Variants in ZNF804B observed in about 807,000 individuals in gnomAD.
The protein encoded by ZNF804B is zinc finger 804B.
Under a neutral mutation model 101.4 loss-of-function variants are expected in ZNF804B, and 80 were observed. That is an observed-to-expected ratio of 0.79 (90% CI 0.66 to 0.95). The LOEUF (loss-of-function observed/expected upper bound fraction) is 0.95, where lower values mean the gene tolerates loss of function less well. Ranked by LOEUF, ZNF804B falls within the 40% of genes least tolerant of loss-of-function variation. The pLI, the probability that ZNF804B is intolerant of heterozygous loss-of-function variation, is 0.00. For synonymous variants in ZNF804B, 622 were observed against 558.8 expected (o/e 1.11, Z -1.59); for missense variants, 1,673 against 1,561.9 (o/e 1.07, Z -1.20).
At chr7:88,889,154 G>A (rs947305464) in intron 1 of ZNF804B, among the ~76,000 whole-genome samples, 1 of 152,036 alleles carries the variant, frequency 6.6e-6, no homozygotes, top group Non-Finnish European at 1.5e-5. Flanking sequence ...ATTCTTCCAT[G>A]GTGTATATAT....
chr7:89,173,756 C>A (rs146157079), intron 1 of ZNF804B, among the ~76,000 whole-genome samples: 1 of 96,232 alleles, frequency 1.0e-5, no homozygotes, highest in African/African-American at 3.3e-5. Context: ...ATCCATCCAT[C>A]CATCCATCCA....
At chr7:89,237,869 T>C (rs572638426) in intron 2 of ZNF804B, among the ~76,000 whole-genome samples, 1 of 152,286 alleles carries the variant, frequency 6.6e-6, no homozygotes, top group South Asian at 2.1e-4. Context: ...GACAGAGAGA[T>C]AATAAACACA....
intron 1 of ZNF804B, among the ~76,000 whole-genome samples, chr7:88,999,611 A>T (rs1788255076): frequency 1.3e-5 from 2 of 152,110 alleles, no homozygotes; most frequent in East Asian, 1.9e-4. Context: ...ATGTAGTTAA[A>T]TTTTTTCTTA....
intron 1 of ZNF804B, among the ~76,000 whole-genome samples, chr7:89,096,153 TAAAA>T (rs10717569): frequency 2.3e-4 from 32 of 136,668 alleles, no homozygotes; most frequent in Non-Finnish European, 2.8e-4. Context: ...AGACTCCATT[TAAAA>T]AAAAAAAAAA....
chr7:89,076,637 T>C (rs1027993230), intron 1 of ZNF804B, among the ~76,000 whole-genome samples: 11 of 152,210 alleles, frequency 7.2e-5, no homozygotes, highest in Non-Finnish European at 1.5e-4. Flanking sequence ...TGATTTCTGA[T>C]AATATGACTG....
intron 2 of ZNF804B, among the ~76,000 whole-genome samples, chr7:89,241,291 C>A (rs1789366263): frequency 6.6e-6 from 1 of 152,098 alleles, no homozygotes; most frequent in South Asian, 2.1e-4. Flanking sequence ...CAGTACTTTT[C>A]CATGAGATGA....
At chr7:89,266,034 C>T (rs1293233871) in intron 2 of ZNF804B, among the ~76,000 whole-genome samples, 4 of 152,156 alleles carry the variant, frequency 2.6e-5, no homozygotes, top group African/African-American at 9.7e-5. Flanking sequence ...TCTGCTATTG[C>T]CTAGGCTTAG....
At chr7:88,785,629 T>C (rs1371455294) in intron 1 of ZNF804B, among the ~76,000 whole-genome samples, 1 of 152,130 alleles carries the variant, frequency 6.6e-6, no homozygotes, top group East Asian at 1.9e-4. Context: ...TCTGGCCCCA[T>C]ACCTTGCTAT....
intron 2 of ZNF804B, among the ~76,000 whole-genome samples, chr7:89,311,645 C>G (rs1473535447): frequency 1.3e-5 from 2 of 152,148 alleles, no homozygotes; most frequent in Non-Finnish European, 2.9e-5. Context: ...ATTGCACTAT[C>G]ACATGTATGT....
At chr7:88,781,307 A>G (rs1790222283) in intron 1 of ZNF804B, among the ~76,000 whole-genome samples, 1 of 152,190 alleles carries the variant, frequency 6.6e-6, no homozygotes, top group Admixed American at 6.5e-5. Context: ...AGTGTAGCTC[A>G]TGTTCTTCCT....
At chr7:88,943,572 G>A (rs2116051632) in intron 1 of ZNF804B, among the ~76,000 whole-genome samples, 1 of 151,864 alleles carries the variant, frequency 6.6e-6, no homozygotes, top group Admixed American at 6.6e-5. Flanking sequence ...TATAGCCTTT[G>A]TTTTCTTGCT....
Position 89,219,997 on chromosome 7 carries a change from G to GTATATACATATATGTGTGTATACATA in ZNF804B, c.249+1707_249+1708insACATATATGTGTGTATACATATATAT, listed in dbSNP as rs1360671172. Reference sequence around the variant, plus strand: ...TGTATATACATATGTGTGCATATATGTATATGCACATATATGTGTGTATAC... The same window carrying GTATATACATATATGTGTGTATACATA: ...TGTATATACATATGTGTGCATATATGTATATACATATATGTGTGTATACATATATATGCACATATATGTGTGTATAC... On this transcript the variant is annotated intron_variant, in intron 2 of 3. Coordinates refer to ENST00000333190, the MANE Select transcript of ZNF804B (RefSeq NM_181646.5). Among the ~76,000 whole-genome samples the GTATATACATATATGTGTGTATACATA allele has an allele frequency of 5.4e-5, 3 of 55,814 alleles. 1 individual carries two copies. The highest frequency in any genetic ancestry group is 2.7e-4 in the African/African-American group (3 of 11,180). 36.6% of individuals were successfully genotyped at this position (55,814 alleles called of 152,430 possible).
chr7:89,043,818 G>A (rs1264044660), intron 1 of ZNF804B, among the ~76,000 whole-genome samples: 1 of 152,144 alleles, frequency 6.6e-6, no homozygotes, highest in Admixed American at 6.5e-5. Context: ...AAAATTCAGA[G>A]TATCAGCCTC....
intron 1 of ZNF804B, among the ~76,000 whole-genome samples, chr7:88,952,434 T>C (rs1050986339): frequency 2.6e-5 from 4 of 151,758 alleles, no homozygotes; most frequent in African/African-American, 4.8e-5. Flanking sequence ...TACAATTATG[T>C]GGTTCATAAC....
intron 1 of ZNF804B, among the ~76,000 whole-genome samples, chr7:89,205,689 C>A (rs538379456): frequency 8.5e-5 from 13 of 152,256 alleles, no homozygotes; most frequent in South Asian, 8.3e-4. Context: ...TTGCAGGGTA[C>A]ATTCCCCCTC....
intron 2 of ZNF804B, among the ~76,000 whole-genome samples, chr7:89,263,401 G>A (rs1789739258): frequency 6.6e-6 from 1 of 152,034 alleles, no homozygotes; most frequent in Non-Finnish European, 1.5e-5. Context: ...AGACTCTGTA[G>A]CGCATCTAGA....
chr7:89,070,182 T>C (rs920905185), intron 1 of ZNF804B, among the ~76,000 whole-genome samples: 1 of 152,232 alleles, frequency 6.6e-6, no homozygotes, highest in Non-Finnish European at 1.5e-5. Flanking sequence ...GTAACCTTAC[T>C]TGCAGGAGTA....
intron 1 of ZNF804B, among the ~76,000 whole-genome samples, chr7:88,978,816 C>CTCCT (rs1294337486): frequency 1.3e-5 from 2 of 148,228 alleles, no homozygotes; most frequent in Admixed American, 6.8e-5. Flanking sequence ...CCCTCCCTCC[C>CTCCT]TCCCTCCTTC....
chr7:88,863,069 G>GCCTCTCC (rs1280133594), intron 1 of ZNF804B, among the ~76,000 whole-genome samples: 1 of 152,022 alleles, frequency 6.6e-6, no homozygotes, highest in Non-Finnish European at 1.5e-5. Context: ...TCTAATCCAC[G>GCCTCTCC]CCTCTCCTTC....
Sources: allele counts gnomAD v4.1 joint callset (sites outside exome capture counted in the v4.1 genomes callset), GRCh38; gene constraint gnomAD v4.1.1; transcripts MANE v1.5; gene names NCBI Gene and HGNC (gene_info 2026-07-23, HGNC 2026-07-21).